Variants in ADGRL2 observed in about 807,000 individuals in gnomAD.
The protein encoded by ADGRL2 is calcium-independent alpha-latrotoxin receptor 2.
ADGRL2 carries 44 observed loss-of-function variants against 157.4 expected under a neutral mutation model. That is an observed-to-expected ratio of 0.28 (90% CI 0.22 to 0.36). The LOEUF is 0.36. Among genes scored for constraint, ADGRL2 ranks in the 10% least tolerant of loss-of-function variants. The pLI is 1.00. For synonymous variants in ADGRL2, 585 were observed against 624.7 expected (o/e 0.94, Z 0.95); for missense variants, 1,510 against 1,768.9 (o/e 0.85, Z 2.63).
intron 1 of ADGRL2, among the ~76,000 whole-genome samples, chr1:81,390,725 G>T (rs1475143376): frequency 2.0e-5 from 3 of 152,418 alleles, no homozygotes; most frequent in African/African-American, 7.2e-5. Flanking sequence ...CCTTGGACAT[G>T]TTTCTGTATC....
chr1:81,963,595 G>T (rs141857908), intron 11 of ADGRL2, among the ~76,000 whole-genome samples: 2 of 151,566 alleles, frequency 1.3e-5, no homozygotes, highest in African/African-American at 4.8e-5. Context: ...TTTTTGTAAA[G>T]ATTTTTTTTT....
chr1:81,654,360 T>C (rs929857570), intron 3 of ADGRL2, among the ~76,000 whole-genome samples: 3 of 152,188 alleles, frequency 2.0e-5, no homozygotes, highest in Non-Finnish European at 4.4e-5. Flanking sequence ...CATGTCAGTC[T>C]TTACAAGAGC....
chr1:81,913,995 T>TAC lies in ADGRL2; in HGVS notation c.287+6786_287+6787dup, dbSNP rs150093627. ...ACAAGGGAGATACTTAATGCACACA[T>TAC]ACACACACACACACACACACACCCC... is the stretch of plus-strand genomic sequence containing the variant. On this transcript the variant is annotated intron_variant, in intron 3 of 23. Coordinates refer to ENST00000686636, the MANE Select transcript of ADGRL2 (RefSeq NM_001366006.2). Among the ~76,000 whole-genome samples, 1,106 of 147,728 alleles carry TAC rather than the reference T, an allele frequency of 7.5e-3. 9 individuals are homozygous for TAC. Among genetic ancestry groups the TAC allele is most frequent in the South Asian group, 0.015 (71 of 4,652 alleles).
At chr1:81,913,236 A>G (rs2094774607) in intron 3 of ADGRL2, among the ~76,000 whole-genome samples, 2 of 152,106 alleles carry the variant, frequency 1.3e-5, no homozygotes, top group African/African-American at 4.8e-5. Context: ...ATTACACTTT[A>G]TTTTACTTTT....
At chr1:81,673,008 A>G (rs564413260) in intron 3 of ADGRL2, among the ~76,000 whole-genome samples, 52 of 152,356 alleles carry the variant, frequency 3.4e-4, no homozygotes, top group African/African-American at 1.3e-3. Flanking sequence ...CCTCAGGGAA[A>G]GTGTACACTG....
chr1:81,814,699 A>G (rs2149725369), intron 1 of ADGRL2, among the ~76,000 whole-genome samples: 1 of 151,642 alleles, frequency 6.6e-6, no homozygotes, highest in Admixed American at 6.6e-5. Flanking sequence ...TTTCAAAGCC[A>G]TTTCTTTTGC....
At chr1:81,859,294 TTCTC>T (rs1450889029) in intron 2 of ADGRL2, among the ~76,000 whole-genome samples, 1 of 152,192 alleles carries the variant, frequency 6.6e-6, no homozygotes, top group Non-Finnish European at 1.5e-5. Context: ...CAGTGCTATT[TTCTC>T]TCTTATTGTG....
intron 2 of ADGRL2, among the ~76,000 whole-genome samples, chr1:81,873,145 G>A (rs933541374): frequency 1.3e-5 from 2 of 152,048 alleles, no homozygotes; most frequent in Non-Finnish European, 2.9e-5. Context: ...TAGACCACCT[G>A]CTGTTAACAT....
At chr1:81,938,636 C>T (rs562652380) in intron 4 of ADGRL2, among the ~76,000 whole-genome samples, 3 of 151,394 alleles carry the variant, frequency 2.0e-5, no homozygotes, top group Admixed American at 6.6e-5. Flanking sequence ...GACATTTGCA[C>T]GAGGCAGAAA....
intron 1 of ADGRL2, among the ~76,000 whole-genome samples, chr1:81,739,015 C>A (rs1264982845): frequency 6.6e-6 from 1 of 152,210 alleles, no homozygotes; most frequent in African/African-American, 2.4e-5. Flanking sequence ...ATGCTGGGTG[C>A]TTTTGCTTTT....
At chr1:81,925,291 G>C (rs2095078017) in intron 3 of ADGRL2, among the ~76,000 whole-genome samples, 1 of 151,920 alleles carries the variant, frequency 6.6e-6, no homozygotes, top group Non-Finnish European at 1.5e-5. Flanking sequence ...CATATATTCA[G>C]ATATTGCTTG....
chr1:81,465,938 A>T (rs1433232611), intron 2 of ADGRL2, among the ~76,000 whole-genome samples: 1 of 152,238 alleles, frequency 6.6e-6, no homozygotes, highest in Admixed American at 6.5e-5. Context: ...GAAAATGAAA[A>T]TTTTAAAACA....
intron 1 of ADGRL2, among the ~76,000 whole-genome samples, chr1:81,744,090 G>C (rs1355035930): frequency 6.6e-6 from 1 of 152,098 alleles, no homozygotes; most frequent in East Asian, 1.9e-4. Flanking sequence ...TAAGATACTT[G>C]CAAAGAGTGT....
In ADGRL2 at chr1:81,306,902, C is replaced by T. The variant is rs867932074; in HGVS notation, c.-302+393C>T. On this transcript the variant is annotated intron_variant, in intron 1 of 24. Transcript: ENST00000370721. ...ATTTTTTTTTTAACCTGGAGCCCTCCTGCAGCATTTTCTGTGAAAAATAAC... is the reference window on the plus strand; with the variant it reads ...ATTTTTTTTTTAACCTGGAGCCCTCTTGCAGCATTTTCTGTGAAAAATAAC... Among the ~76,000 whole-genome samples the T allele has an allele frequency of 9.2e-5, 14 of 152,190 alleles. No individual in the cohort carries two copies. In the South Asian group the frequency reaches 1.0e-3, roughly 11 times the overall value.
intron 1 of ADGRL2, among the ~76,000 whole-genome samples, chr1:81,818,680 A>G (rs2090667185): frequency 6.6e-6 from 1 of 152,166 alleles, no homozygotes; most frequent in Non-Finnish European, 1.5e-5. Flanking sequence ...ACTGTTATGT[A>G]AGGACTGTGC....
chr1:81,812,958 G>A (rs902668366), intron 1 of ADGRL2, among the ~76,000 whole-genome samples: 1 of 151,776 alleles, frequency 6.6e-6, no homozygotes, highest in Non-Finnish European at 1.5e-5. Context: ...TGTGCCAGCT[G>A]AATTTCTAAG....
At position 81,767,137 on chromosome 1, in the gene ADGRL2, T is replaced by C. The variant is rs1477269930; in HGVS notation, c.-101+5285T>C. Among the ~76,000 whole-genome samples, 3 of 152,178 alleles carry C rather than the reference T, an allele frequency of 2.0e-5. No homozygotes were observed. In the East Asian group the frequency reaches 5.8e-4, roughly 29 times the overall value. On this transcript the variant is annotated intron_variant, in intron 2 of 20. Coordinates refer to the ADGRL2 transcript ENST00000359929. ...TATCTATGACTCTTCTACTCAACAT[T>C]AAGATCTTGAGTTTCAACACTTTGA... is the stretch of plus-strand genomic sequence containing the variant.
intron 1 of ADGRL2, among the ~76,000 whole-genome samples, chr1:81,739,696 A>C (rs980710612): frequency 6.6e-6 from 1 of 152,230 alleles, no homozygotes; most frequent in Non-Finnish European, 1.5e-5. Flanking sequence ...TACGAAAATC[A>C]AAGTTAGACT....
chr1:81,500,388 G>T (rs2078820943), intron 2 of ADGRL2, among the ~76,000 whole-genome samples: 1 of 152,160 alleles, frequency 6.6e-6, no homozygotes. Context: ...TAGTCAAAAG[G>T]TGGAAGTAAC....
Sources: allele counts gnomAD v4.1 joint callset (sites outside exome capture counted in the v4.1 genomes callset), GRCh38; gene constraint gnomAD v4.1.1; transcripts MANE v1.5; gene names NCBI Gene and HGNC (gene_info 2026-07-23, HGNC 2026-07-21).